Variants in CCDC85A observed in about 807,000 individuals in gnomAD.
The protein encoded by CCDC85A is coiled-coil domain containing 85A, also known as coiled-coil domain-containing protein 85A.
A neutral mutation model predicts 50.2 loss-of-function variants in CCDC85A; 38 were observed. The observed-to-expected ratio is 0.76, with a 90% CI of 0.58 to 0.99. CCDC85A has a LOEUF of 0.99. Ranked by LOEUF, CCDC85A falls within the 50% of genes least tolerant of loss-of-function variation. The pLI, the probability that CCDC85A is intolerant of heterozygous loss-of-function variation, is 0.00. For missense variants in CCDC85A, 820 were observed against 742.0 expected, an observed-to-expected ratio of 1.11 and a Z score of -1.22; for synonymous variants, 366 against 301.4, an observed-to-expected ratio of 1.21 and a Z score of -2.22.
chr2:56,287,288 C>G lies in CCDC85A; in HGVS notation c.1241-55591C>G, dbSNP rs141181239. On this transcript the variant is annotated intron_variant, in intron 2 of 5. Transcript: ENST00000407595. ...TTTCCAGTACTCTGCCCTACACATT[C>G]TGGTTGCTTCAGTGGCTGCGAGCTT... Among the ~76,000 whole-genome samples the G allele has an allele frequency of 3.8e-3, 584 of 152,320 alleles. 2 individuals are homozygous for G. The highest frequency in any genetic ancestry group is 5.6e-3 in the Non-Finnish European group (383 of 68,040).
At position 56,193,161 on chromosome 2, in the gene CCDC85A, C is replaced by A; in HGVS notation, c.961C>A (p.Arg321=). The change falls in exon 2 of 6, where the codon CGG becomes AGG. Residue 321 remains arginine, a synonymous_variant. Transcript: ENST00000407595. ...SGSPEHFQKH[R]SGSSPEHARH... The stretch of plus-strand genomic sequence containing the variant: ...GAGCCCGGAACACTTCCAGAAGCAC[C>A]GGTCAGGGAGCAGCCCTGAACACGC... 6.2e-7 allele frequency: 1 copy of A among 1,613,434 alleles called. No homozygotes were observed. Among genetic ancestry groups the A allele is most frequent in the South Asian group, 1.1e-5 (1 of 91,040 alleles).
At chr2:56,312,885 T>C (rs1392420952) in intron 2 of CCDC85A, among the ~76,000 whole-genome samples, 1 of 152,176 alleles carries the variant, frequency 6.6e-6, no homozygotes, top group Non-Finnish European at 1.5e-5. Context: ...TTTGTAGTTT[T>C]ATATATCAAG....
chr2:56,252,050 T>C (rs1025729395), intron 2 of CCDC85A, among the ~76,000 whole-genome samples: 1 of 144,768 alleles, frequency 6.9e-6, no homozygotes, highest in Non-Finnish European at 1.5e-5. Context: ...TATCATCAAC[T>C]ATTTTTTTTT....
chr2:56,210,275 T>C (rs1677129950), intron 2 of CCDC85A, among the ~76,000 whole-genome samples: 5 of 152,088 alleles, frequency 3.3e-5, no homozygotes, highest in Admixed American at 3.3e-4. Context: ...GTTTTGACAA[T>C]TGGAAAATTC....
At chr2:56,277,518 A>G (rs549328383) in intron 2 of CCDC85A, among the ~76,000 whole-genome samples, 281 of 152,292 alleles carry the variant, frequency 1.8e-3, no homozygotes, top group Non-Finnish European at 3.1e-3. Flanking sequence ...GCATTAAAAA[A>G]CCACATGACT....
intron 3 of CCDC85A, among the ~76,000 whole-genome samples, chr2:56,351,794 T>G (rs1674957491): frequency 6.6e-6 from 1 of 151,650 alleles, no homozygotes; most frequent in Admixed American, 6.6e-5. Context: ...TTCTCCCATT[T>G]TGTAGGTTGC....
intron 5 of CCDC85A, among the ~76,000 whole-genome samples, chr2:56,378,580 T>C (rs1235323613): frequency 6.6e-6 from 1 of 152,216 alleles, no homozygotes; most frequent in Non-Finnish European, 1.5e-5. Flanking sequence ...TTAACTGTAA[T>C]CTGAGGTGAG....
chr2:56,237,575 T>A (rs1041419676), intron 2 of CCDC85A, among the ~76,000 whole-genome samples: 8 of 152,216 alleles, frequency 5.3e-5, no homozygotes, highest in Non-Finnish European at 1.0e-4. Flanking sequence ...TTAAAAGAAG[T>A]ACTTTATCGT....
chr2:56,227,524 C>A (rs914379759), intron 2 of CCDC85A, among the ~76,000 whole-genome samples: 2 of 152,118 alleles, frequency 1.3e-5, no homozygotes, highest in Non-Finnish European at 2.9e-5. Context: ...TTTGTCCTTT[C>A]GGGCTACGTA....
intron 3 of CCDC85A, among the ~76,000 whole-genome samples, chr2:56,349,334 G>C (rs1674787999): frequency 6.6e-6 from 1 of 152,138 alleles, no homozygotes. Context: ...GTTCAATAGA[G>C]CTTTCAGGGG....
At chr2:56,362,569 G>T (rs1240308951) in intron 3 of CCDC85A, among the ~76,000 whole-genome samples, 2 of 151,832 alleles carry the variant, frequency 1.3e-5, no homozygotes, top group Non-Finnish European at 2.9e-5. Context: ...AGTGTAGACT[G>T]CAAAGAGAGA....
chr2:56,275,364 A>C (rs997064555), intron 2 of CCDC85A, among the ~76,000 whole-genome samples: 3 of 152,214 alleles, frequency 2.0e-5, no homozygotes, highest in African/African-American at 7.2e-5. Context: ...GGAGTACAGT[A>C]GCTCAGTATA....
At chr2:56,354,601 T>C (rs1353790721) in intron 3 of CCDC85A, among the ~76,000 whole-genome samples, 1 of 152,128 alleles carries the variant, frequency 6.6e-6, no homozygotes, top group Non-Finnish European at 1.5e-5. Flanking sequence ...GAGTGTAGCT[T>C]TTACTGTTTA....
chr2:56,260,811 T>C (rs537381190), intron 2 of CCDC85A, among the ~76,000 whole-genome samples: 5 of 152,366 alleles, frequency 3.3e-5, no homozygotes, highest in African/African-American at 1.2e-4. Flanking sequence ...TGTCCTCTTT[T>C]AGAATAATGA....
Position 56,244,472 on chromosome 2 carries a change from C to T in CCDC85A, c.1240+51032C>T, listed in dbSNP as rs572874752. On this transcript the variant is annotated intron_variant, in intron 2 of 5. Transcript: ENST00000407595. ...ACTCTCCTTTCAGGGACTTAGGCTC[C>T]CTTCTGACCCAGCGTAGGTACAGAA... Among the ~76,000 whole-genome samples, 11 of 151,984 alleles carry T rather than the reference C, an allele frequency of 7.2e-5. No individual in the cohort carries two copies. The South Asian group carries it at 2.3e-3, about 32-fold the overall frequency.
intron 2 of CCDC85A, among the ~76,000 whole-genome samples, chr2:56,251,197 C>T (rs1573102172): frequency 2.0e-5 from 3 of 152,192 alleles, no homozygotes; most frequent in African/African-American, 7.2e-5. Context: ...TTAGACCTTT[C>T]TTAAGGCAGC....
At chr2:56,339,904 T>C (rs1006866669) in intron 2 of CCDC85A, among the ~76,000 whole-genome samples, 4 of 152,202 alleles carry the variant, frequency 2.6e-5, no homozygotes, top group South Asian at 2.1e-4. Flanking sequence ...TGCATACTTT[T>C]CCCCTCTTTG....
chr2:56,188,554 C>T (rs1429524410), intron 1 of CCDC85A, among the ~76,000 whole-genome samples: 1 of 152,242 alleles, frequency 6.6e-6, no homozygotes, highest in Non-Finnish European at 1.5e-5. Flanking sequence ...TGAAAGAGAA[C>T]ATGACTTGAG....
intron 3 of CCDC85A, among the ~76,000 whole-genome samples, 180 bp downstream of exon 3, chr2:56,343,135 C>G (rs1414464934): frequency 1.3e-5 from 2 of 152,086 alleles, no homozygotes; most frequent in Non-Finnish European, 2.9e-5. Context: ...ATCCAGATTT[C>G]TAAGTGTTAT....
Sources: allele counts gnomAD v4.1 joint callset (sites outside exome capture counted in the v4.1 genomes callset), GRCh38; gene constraint gnomAD v4.1.1; transcripts MANE v1.5; gene names NCBI Gene and HGNC (gene_info 2026-07-23, HGNC 2026-07-21).